The following BRD3 variants were observed in gnomAD, a reference collection of about 807,000 sequenced individuals.
BRD3 encodes bromodomain containing 3.
BRD3 carries 17 observed loss-of-function variants against 66.8 expected under a neutral mutation model. The observed-to-expected ratio is 0.25, with a 90% CI of 0.17 to 0.38. The LOEUF (loss-of-function observed/expected upper bound fraction) is 0.38. Among genes scored for constraint, BRD3 ranks in the 10% least tolerant of loss-of-function variants. BRD3 has a pLI of 1.00. For synonymous variants in BRD3, 421 were observed against 393.2 expected (o/e 1.07, Z -0.84); for missense variants, 713 against 956.1 (o/e 0.75, Z 3.35).
At chr9:134,040,557 A>C (rs1830022646) in intron 8 of BRD3, among the ~76,000 whole-genome samples, 1 of 152,158 alleles carries the variant, frequency 6.6e-6, no homozygotes, top group Non-Finnish European at 1.5e-5. Context: ...AGGGCAGCTA[A>C]CTTTTTAAAA....
chr9:134,050,837 G>A (rs758332649), intron 4 of BRD3, among the ~76,000 whole-genome samples: 12 of 152,122 alleles, frequency 7.9e-5, no homozygotes, highest in Non-Finnish European at 1.2e-4. Context: ...GAGGCGGAAC[G>A]AGGAAGCCAA....
Position 134,044,398 on chromosome 9 carries a change from G to A in BRD3, c.1215+895C>T, listed in dbSNP as rs141167800. On this transcript the variant is annotated intron_variant, in intron 7 of 11. Coordinates refer to ENST00000303407, the MANE Select transcript of BRD3 (RefSeq NM_007371.4). ...CCACAATAATACCATGGGCTGCTCG[G>A]GGATTTCAAAACAGTCTATGCAAGG... Among the ~76,000 whole-genome samples the A allele has an allele frequency of 2.4e-3, 363 of 152,268 alleles. 1 individual carries two copies. The highest frequency in any genetic ancestry group is 3.7e-3 in the Admixed American group (56 of 15,300).
At chr9:134,062,140 G>A (rs1830556558) in intron 1 of BRD3, among the ~76,000 whole-genome samples, 1 of 152,178 alleles carries the variant, frequency 6.6e-6, no homozygotes, top group Non-Finnish European at 1.5e-5. Context: ...CCTGGGGAGG[G>A]CAGCTGGGCA....
chr9:134,062,851 G>A (rs558177486), intron 1 of BRD3, among the ~76,000 whole-genome samples: 4 of 152,342 alleles, frequency 2.6e-5, no homozygotes, highest in African/African-American at 9.6e-5. Flanking sequence ...CTCTTCAGAG[G>A]GGCAGTGAGT....
chr9:134,060,250 G>A (rs868444557), intron 1 of BRD3, among the ~76,000 whole-genome samples: 1 of 152,182 alleles, frequency 6.6e-6, no homozygotes. Flanking sequence ...AACCACAAAA[G>A]TCCTCGAACG....
intron 4 of BRD3, 22 bp downstream of exon 4, chr9:134,051,540 C>T (rs762302392): frequency 1.1e-5 from 17 of 1,512,678 alleles, no homozygotes; most frequent in Admixed American, 2.6e-5. Flanking sequence ...CCCAGCCCCT[C>T]GCCTGCCCCA....
rs1843526068 is a variant in BRD3 at position 134,032,505 on chromosome 9, C to T, written c.*1085G>A. The T allele has an allele frequency of 8.7e-6, 2 of 229,198 alleles. No individual in the cohort carries two copies. The highest frequency in any genetic ancestry group is 1.7e-5 in the Non-Finnish European group (2 of 116,192). 14.2% of individuals were successfully genotyped at this position (229,198 alleles called of 1,614,324 possible). A position where few individuals can be genotyped will look rare whatever the true frequency, so the allele number is the denominator to read the frequency against. On this transcript the variant is annotated 3_prime_UTR_variant, in exon 12 of 12. Transcript: ENST00000303407. ...AAAACCCAACAAACCCAGGGGCGAGCGCGCGAACAGACGTGGGTGAGCACC... is the reference window on the plus strand; with the variant it reads ...AAAACCCAACAAACCCAGGGGCGAGTGCGCGAACAGACGTGGGTGAGCACC...
intron 1 of BRD3, 55 bp from the exon 2 acceptor site, chr9:134,053,645 C>T: frequency 7.1e-7 from 1 of 1,413,818 alleles, no homozygotes; most frequent in South Asian, 1.5e-5. Flanking sequence ...GGGACCCCCA[C>T]CTCTCCCAGC....
At chr9:134,061,678 G>C (rs996097226) in intron 1 of BRD3, among the ~76,000 whole-genome samples, 1 of 152,216 alleles carries the variant, frequency 6.6e-6, no homozygotes, top group Admixed American at 6.5e-5. Context: ...CGTCAGTGGG[G>C]GTCAGATGAG....
Position 134,030,749 on chromosome 9 carries a change from A to G in BRD3, c.*2841T>C. 4.3e-6 allele frequency: 1 copy of G among 232,148 alleles called. No individual in the cohort carries two copies. Among genetic ancestry groups the G allele is most frequent in the Non-Finnish European group, 8.5e-6 (1 of 117,336 alleles). The allele number at this position is 232,148 out of a possible 1,614,324, so 14.4% of individuals were successfully genotyped here. A position where few individuals can be genotyped will look rare whatever the true frequency, so the allele number is the denominator to read the frequency against. On this transcript the variant is annotated 3_prime_UTR_variant, in exon 12 of 12. Coordinates refer to ENST00000303407, the MANE Select transcript of BRD3 (RefSeq NM_007371.4). ...ACAAACACACAAAAAAATGTGTCTT[A>G]CAGTTTGTAAGCAAGATGACACTGC...
intron 11 of BRD3, chr9:134,034,497 C>CA: frequency 1.5e-6 from 1 of 685,454 alleles, no homozygotes. Flanking sequence ...TTGACATGTG[C>CA]ACACCTCCCT....
chr9:134,050,610 T>C (rs1351714921), intron 4 of BRD3, 22 bp from the exon 5 acceptor site: 20 of 1,580,350 alleles, frequency 1.3e-5, no homozygotes, highest in Non-Finnish European at 1.7e-5. Context: ...GGAAGGGATG[T>C]TCAACACACC....
intron 1 of BRD3, among the ~76,000 whole-genome samples, chr9:134,061,390 C>CT: frequency 6.6e-6 from 1 of 152,326 alleles, no homozygotes; most frequent in Non-Finnish European, 1.5e-5. Flanking sequence ...GCCATTCCAG[C>CT]TATAGCATGA....
intron 1 of BRD3, among the ~76,000 whole-genome samples, chr9:134,056,331 AGG>A (rs1375756306): frequency 6.6e-6 from 1 of 152,216 alleles, no homozygotes; most frequent in Non-Finnish European, 1.5e-5. Flanking sequence ...TGGAAGGCTG[AGG>A]GGTGCAGTAT....
intron 1 of BRD3, among the ~76,000 whole-genome samples, chr9:134,066,829 A>G (rs926379519): frequency 2.6e-5 from 4 of 152,208 alleles, no homozygotes; most frequent in Non-Finnish European, 5.9e-5. Flanking sequence ...TCTGAGCAGA[A>G]AGCTTTCAAC....
chr9:134,043,908 T>C (rs1348818161), intron 7 of BRD3, among the ~76,000 whole-genome samples: 2 of 152,168 alleles, frequency 1.3e-5, no homozygotes, highest in African/African-American at 2.4e-5. Flanking sequence ...TGGCCTCAAG[T>C]GATCCTCCCA....
chr9:134,064,433 G>A (rs1830605792), intron 1 of BRD3, among the ~76,000 whole-genome samples: 1 of 151,972 alleles, frequency 6.6e-6, no homozygotes, highest in African/African-American at 2.4e-5. Flanking sequence ...CCAGCTACTT[G>A]GCAGGCTGAG....
At position 134,036,134 on chromosome 9, in the gene BRD3, C is replaced by T. The variant is rs201071148; in HGVS notation, c.1834G>A (p.Asp612Asn). The T allele has an allele frequency of 6.2e-7, 1 of 1,614,236 alleles. No homozygotes were observed. The highest frequency in any genetic ancestry group is 8.5e-7 in the Non-Finnish European group (1 of 1,180,042). The change falls in exon 10 of 12, where the codon GAC (aspartate) becomes AAC (asparagine). Residue 612 changes from aspartate to asparagine, a missense_variant. By Grantham distance (23) the Asp-to-Asn change is conservative. Around this residue, in one of 5 missense-constraint regions of BRD3, gnomAD observed 418 missense variants for 609.3 expected, o/e 0.69. Transcript: ENST00000303407. ...GTCTCAAAGTCAATTTCTATCTCGTCGGGGTTGGAGTCCCTGAGCGAGGGC... is the reference window on the plus strand; with the variant it reads ...GTCTCAAAGTCAATTTCTATCTCGTTGGGGTTGGAGTCCCTGAGCGAGGGC... ...REPSLRDSNP[D>N]EIEIDFETLK...
chr9:134,048,663 C>T (rs1830228161), intron 5 of BRD3, among the ~76,000 whole-genome samples: 1 of 152,150 alleles, frequency 6.6e-6, no homozygotes, highest in African/African-American at 2.4e-5. Context: ...TGGGACTCTC[C>T]CTCAGGATCA....
Sources: allele counts gnomAD v4.1 joint callset (sites outside exome capture counted in the v4.1 genomes callset), GRCh38; gene constraint gnomAD v4.1.1; regional missense constraint gnomAD v4.1.1; transcripts MANE v1.5; gene names NCBI Gene and HGNC (gene_info 2026-07-23, HGNC 2026-07-21).